The following FGF12 variants were observed in gnomAD, a reference collection of about 807,000 sequenced individuals.
FGF12 encodes the protein fibroblast growth factor 12B.
In FGF12, 14 loss-of-function variants were observed where a neutral mutation model predicts 23.6. The observed-to-expected ratio is 0.59, with a 90% confidence interval of 0.39 to 0.93. FGF12 has a LOEUF of 0.93. Ranked by LOEUF, FGF12 falls within the 40% of genes least tolerant of loss-of-function variation. The pLI is 0.00. For synonymous variants in FGF12, 62 were observed against 77.3 expected, an observed-to-expected ratio of 0.80 and a Z score of 1.04; for missense variants, 175 against 217.8, an observed-to-expected ratio of 0.80 and a Z score of 1.24.
intron 3 of FGF12, among the ~76,000 whole-genome samples, chr3:192,339,221 C>A (rs115214484): frequency 0.01 from 1,537 of 152,226 alleles, 21 homozygotes; most frequent in African/African-American, 0.035. Context: ...TCCTAAAAGT[C>A]CCAAAAGGTG....
rs941479050 is a variant in FGF12 at position 192,714,600 on chromosome 3, G to C, written c.13+12581C>G. ...GCGGCGCAATCTCGGCTCACTGCAA[G>C]CTCCGCCTCCCGGGTTCACGCCATT... On this transcript the variant is annotated intron_variant, in intron 2 of 5. Transcript: ENST00000445105. Among the ~76,000 whole-genome samples the C allele has an allele frequency of 6.6e-4, 91 of 138,882 alleles. 1 individual carries two copies. Among genetic ancestry groups the C allele is most frequent in the Non-Finnish European group, 6.3e-4 (42 of 66,154 alleles). 91.1% of individuals were successfully genotyped at this position (138,882 alleles called of 152,430 possible).
Position 192,203,238 on chromosome 3 carries a change from A to T in FGF12, c.229-32582T>A, listed in dbSNP as rs546725110. Reference sequence around the variant, plus strand: ...AACTAATTTGGTATTTTCTTTCCTTATAAGTTGTAGATTTCATATGCATTT... The same window carrying T: ...AACTAATTTGGTATTTTCTTTCCTTTTAAGTTGTAGATTTCATATGCATTT... On this transcript the variant is annotated intron_variant, in intron 4 of 5. Transcript: ENST00000445105. Among the ~76,000 whole-genome samples the T allele has an allele frequency of 3.9e-5, 6 of 152,164 alleles. No individual in the cohort carries two copies. The East Asian group carries it at 9.7e-4, about 24-fold the overall frequency.
rs35349561 is a variant in FGF12, at chr3:192,163,828, A to AGTGTGTGTGTGTGTGTGTGTGT, written c.427+6608_427+6629dup. 8.8e-4 allele frequency among the ~76,000 whole-genome samples: 132 copies of AGTGTGTGTGTGTGTGTGTGTGT among 149,484 alleles called. 1 individual carries two copies. Among genetic ancestry groups the AGTGTGTGTGTGTGTGTGTGTGT allele is most frequent in the South Asian group, 7.2e-3 (34 of 4,706 alleles). On this transcript the variant is annotated intron_variant, in intron 5 of 5. Transcript: ENST00000445105. The stretch of plus-strand genomic sequence containing the variant: ...CCATGTATATGGCCAAGTGTGTGTG[A>AGTGTGTGTGTGTGTGTGTGTGT]GTGTGTGTGTGTGTGTGTGTGTGTG...
rs184583717 is a variant in FGF12, at chr3:192,513,347, G to A, written c.14-152809C>T. ...AAAAATAATGTACAAATAATCTTCC[G>A]AACTGCATGGAAGTAAAAATGAGAT... On this transcript the variant is annotated intron_variant, in intron 2 of 5. Coordinates refer to ENST00000445105, the MANE Select transcript of FGF12 (RefSeq NM_004113.6). Among the ~76,000 whole-genome samples, 479 of 152,122 alleles carry A rather than the reference G, an allele frequency of 3.1e-3. 3 individuals carry two copies. Among genetic ancestry groups the A allele is most frequent in the Non-Finnish European group, 4.9e-3 (334 of 67,968 alleles).
chr3:192,493,622 C>T (rs143616750), intron 2 of FGF12, among the ~76,000 whole-genome samples: 4 of 152,228 alleles, frequency 2.6e-5, no homozygotes, highest in South Asian at 2.1e-4. Flanking sequence ...GGCATTTGCT[C>T]GGTTTCTGGG....
chr3:192,470,859 T>C (rs1308270027), intron 2 of FGF12, among the ~76,000 whole-genome samples: 1 of 152,162 alleles, frequency 6.6e-6, no homozygotes, highest in African/African-American at 2.4e-5. Flanking sequence ...AAGCATGACC[T>C]CCTTGGGCTT....
At chr3:192,174,671 G>T (rs142159410) in intron 4 of FGF12, among the ~76,000 whole-genome samples, 315 of 148,564 alleles carry the variant, frequency 2.1e-3, no homozygotes, top group Non-Finnish European at 2.4e-3. Context: ...GGGCATCAAA[G>T]AATTTACATT....
At chr3:192,201,215 T>C (rs2108661847) in intron 4 of FGF12, among the ~76,000 whole-genome samples, 1 of 152,344 alleles carries the variant, frequency 6.6e-6, no homozygotes. Context: ...TTTCCTCTGC[T>C]TTCTTGATTG....
intron 2 of FGF12, among the ~76,000 whole-genome samples, chr3:192,547,330 A>C (rs1725520220): frequency 6.6e-6 from 1 of 152,178 alleles, no homozygotes; most frequent in African/African-American, 2.4e-5. Flanking sequence ...TCTATGAATT[A>C]GTCTTTTTCA....
chr3:192,512,859 T>TATATATATAA (rs376386122), intron 2 of FGF12, among the ~76,000 whole-genome samples: 818 of 57,396 alleles, frequency 0.014, 49 homozygotes, highest in East Asian at 0.017. Flanking sequence ...TATATATATA[T>TATATATATAA]AACAGGCTAT....
chr3:192,160,960 G>C (rs73191569), intron 5 of FGF12, among the ~76,000 whole-genome samples: 21,359 of 152,012 alleles, frequency 0.14, 1,657 homozygotes, highest in Admixed American at 0.18. Flanking sequence ...TATTTATCAA[G>C]CTCCTTTAGT....
intron 2 of FGF12, among the ~76,000 whole-genome samples, chr3:192,489,495 G>A (rs550931324): frequency 1.3e-5 from 2 of 152,054 alleles, no homozygotes; most frequent in Admixed American, 1.3e-4. Context: ...CTTAGTCCCA[G>A]GTAACTAATC....
In FGF12 at chr3:192,712,732, C is replaced by CT. The variant is rs58320958; in HGVS notation, c.13+14448dup. ...AGGCTCAGAAATTTTACTGTGTATC[C>CT]TTTTTTTTTTAGGAAGCTGTTGGAG... On this transcript the variant is annotated intron_variant, in intron 2 of 5. Coordinates refer to ENST00000445105, the MANE Select transcript of FGF12 (RefSeq NM_004113.6). Among the ~76,000 whole-genome samples the CT allele has an allele frequency of 6.0e-3, 887 of 147,776 alleles. 14 individuals are homozygous for CT. Among genetic ancestry groups the CT allele is most frequent in the African/African-American group, 0.02 (800 of 40,328 alleles).
chr3:192,640,256 G>T (rs796431509), intron 2 of FGF12, among the ~76,000 whole-genome samples: 4 of 152,222 alleles, frequency 2.6e-5, no homozygotes, highest in African/African-American at 9.6e-5. Flanking sequence ...TGATGGATAT[G>T]TAAATCTGAT....
intron 3 of FGF12, among the ~76,000 whole-genome samples, chr3:192,350,120 A>C (rs1293460929): frequency 6.6e-6 from 1 of 152,164 alleles, no homozygotes; most frequent in Admixed American, 6.6e-5. Context: ...CAACACAGAG[A>C]TAAAGCAGGT....
intron 2 of FGF12, among the ~76,000 whole-genome samples, chr3:192,680,362 G>C (rs1717478636): frequency 6.6e-6 from 1 of 152,216 alleles, no homozygotes; most frequent in African/African-American, 2.4e-5. Flanking sequence ...AGGACACAAG[G>C]GGAAAGAGGT....
intron 4 of FGF12, among the ~76,000 whole-genome samples, chr3:192,268,299 C>T (rs1713206764): frequency 6.6e-6 from 1 of 152,134 alleles, no homozygotes; most frequent in Admixed American, 6.6e-5. Context: ...ATCTGGGGAG[C>T]TGTGGTGGCC....
At chr3:192,595,304 C>A (rs1377054016) in intron 2 of FGF12, among the ~76,000 whole-genome samples, 2 of 152,184 alleles carry the variant, frequency 1.3e-5, no homozygotes, top group African/African-American at 4.8e-5. Context: ...GCTTCACATT[C>A]CTAAATGGGA....
At chr3:192,671,239 G>A (rs138488871) in intron 2 of FGF12, among the ~76,000 whole-genome samples, 137 of 152,286 alleles carry the variant, frequency 9.0e-4, no homozygotes, top group African/African-American at 3.2e-3. Context: ...AAAAGAGAGT[G>A]ATGTGATTGT....
Sources: gnomAD v4.1 joint callset for allele counts (sites outside exome capture counted in the v4.1 genomes callset) on GRCh38, gnomAD v4.1.1 for gene constraint, MANE v1.5 for transcripts, NCBI Gene and HGNC (gene_info 2026-07-23, HGNC 2026-07-21) for gene names.